Variants in MACROD2 observed in about 807,000 individuals in gnomAD.
MACROD2 encodes mono-ADP ribosylhydrolase 2.
MACROD2 carries 36 observed loss-of-function variants against 70.4 expected under a neutral mutation model. That is an observed-to-expected ratio of 0.51 (90% CI 0.39 to 0.68). The LOEUF is 0.68. Ranked by LOEUF, MACROD2 falls within the 30% of genes least tolerant of loss-of-function variation. The pLI is 0.00. For synonymous variants in MACROD2, 172 were observed against 178.8 expected, an observed-to-expected ratio of 0.96 and a Z score of 0.30; for missense variants, 496 against 538.4, an observed-to-expected ratio of 0.92 and a Z score of 0.78.
chr20:15,437,535 G>T (rs1356310657), intron 7 of MACROD2, among the ~76,000 whole-genome samples: 1 of 152,194 alleles, frequency 6.6e-6, no homozygotes, highest in African/African-American at 2.4e-5. Context: ...GGGGGTACAT[G>T]TGAAGGTTTG....
chr20:14,694,519 G>A (rs2071099417), intron 5 of MACROD2, among the ~76,000 whole-genome samples: 1 of 152,104 alleles, frequency 6.6e-6, no homozygotes, highest in Non-Finnish European at 1.5e-5. Flanking sequence ...TGTTAAGTGA[G>A]ATGATGAACA....
chr20:14,903,901 A>C (rs1456956212), intron 5 of MACROD2, among the ~76,000 whole-genome samples: 1 of 152,134 alleles, frequency 6.6e-6, no homozygotes, highest in Non-Finnish European at 1.5e-5. Flanking sequence ...GCGTGCATGA[A>C]AGGTTTTTTT....
chr20:14,664,129 T>A (rs932599161), intron 4 of MACROD2, among the ~76,000 whole-genome samples: 2 of 152,146 alleles, frequency 1.3e-5, no homozygotes, highest in African/African-American at 4.8e-5. Flanking sequence ...AAGAATTAGA[T>A]GATTGTTGGT....
chr20:14,107,432 G>A (rs1310711988), intron 3 of MACROD2, among the ~76,000 whole-genome samples: 1 of 152,112 alleles, frequency 6.6e-6, no homozygotes, highest in African/African-American at 2.4e-5. Flanking sequence ...GCAAATCTAA[G>A]AGTATTGGCC....
chr20:14,739,443 T>C (rs553880705), intron 5 of MACROD2, among the ~76,000 whole-genome samples: 10 of 152,042 alleles, frequency 6.6e-5, no homozygotes, highest in Admixed American at 3.9e-4. Context: ...CAATGTTACC[T>C]GTGGGGTAGA....
intron 8 of MACROD2, among the ~76,000 whole-genome samples, chr20:15,647,741 A>T (rs1246226819): frequency 1.7e-4 from 19 of 114,790 alleles, no homozygotes; most frequent in Non-Finnish European, 3.6e-4. Context: ...TTTTTTTGAG[A>T]TGGAGTCTTG....
intron 4 of MACROD2, 40 bp from the exon 5 acceptor site, chr20:14,684,803 A>G (rs1282675832): frequency 6.6e-7 from 1 of 1,523,308 alleles, no homozygotes; most frequent in Non-Finnish European, 9.1e-7. Flanking sequence ...ATTTATTTCC[A>G]AATGCCAAAT....
chr20:15,427,222 C>T (rs1441720889), intron 6 of MACROD2, among the ~76,000 whole-genome samples: 3 of 152,168 alleles, frequency 2.0e-5, no homozygotes, highest in African/African-American at 7.2e-5. Context: ...CATTTGCTCC[C>T]ACATTCAAGG....
intron 8 of MACROD2, among the ~76,000 whole-genome samples, chr20:15,857,018 ATAT>A (rs1209272141): frequency 7.2e-5 from 11 of 152,334 alleles, no homozygotes; most frequent in African/African-American, 2.6e-4. Flanking sequence ...TCTCTACATA[ATAT>A]TCACTGAAAT....
intron 5 of MACROD2, among the ~76,000 whole-genome samples, chr20:15,205,489 A>G (rs534239224): frequency 1.3e-5 from 2 of 152,136 alleles, no homozygotes; most frequent in African/African-American, 4.8e-5. Flanking sequence ...ATTCCAAGAG[A>G]TCAAGGCAAA....
intron 5 of MACROD2, among the ~76,000 whole-genome samples, chr20:14,773,090 G>A (rs2064787): frequency 0.086 from 13,017 of 151,912 alleles, 803 homozygotes; most frequent in African/African-American, 0.17. Flanking sequence ...GAAAAATGGC[G>A]CTAGAAATCC....
At chr20:15,489,224 A>T (rs1053980985) in intron 7 of MACROD2, among the ~76,000 whole-genome samples, 1 of 152,204 alleles carries the variant, frequency 6.6e-6, no homozygotes, top group Non-Finnish European at 1.5e-5. Context: ...GTCAAGTGAA[A>T]TGAAAGAATG....
intron 7 of MACROD2, among the ~76,000 whole-genome samples, chr20:15,471,418 A>T (rs756671470): frequency 6.6e-6 from 1 of 152,220 alleles, no homozygotes; most frequent in Non-Finnish European, 1.5e-5. Context: ...ATGATTGCAT[A>T]TATTCAAACC....
At chr20:15,423,565 G>T (rs577328134) in intron 6 of MACROD2, among the ~76,000 whole-genome samples, 1 of 152,110 alleles carries the variant, frequency 6.6e-6, no homozygotes, top group Admixed American at 6.5e-5. Flanking sequence ...TTTGGTGTCT[G>T]TCAAGAGCTC....
At chr20:14,999,461 C>G (rs2074976192) in intron 5 of MACROD2, among the ~76,000 whole-genome samples, 1 of 152,094 alleles carries the variant, frequency 6.6e-6, no homozygotes, top group Non-Finnish European at 1.5e-5. Flanking sequence ...GAGTTTGAGA[C>G]TAGCCAGACT....
chr20:15,150,970 C>T lies in MACROD2; in HGVS notation c.419-78970C>T, dbSNP rs192314483. ...GGCCCTTGAAAAGAAGGTAATGTGG[C>T]GTGGGTAGCCTCCATATTGATTAAG... On this transcript the variant is annotated intron_variant, in intron 5 of 17. Transcript: ENST00000684519. Among the ~76,000 whole-genome samples, 130 of 152,002 alleles carry T rather than the reference C, an allele frequency of 8.6e-4. 1 individual carries two copies. Among genetic ancestry groups the T allele is most frequent in the African/African-American group, 2.6e-3 (107 of 41,342 alleles).
At position 14,702,541 on chromosome 20, in the gene MACROD2, A is replaced by G. The variant is rs182438062; in HGVS notation, c.418+17582A>G. 1.4e-3 allele frequency among the ~76,000 whole-genome samples: 201 copies of G among 143,354 alleles called. 10 individuals are homozygous for G. The highest frequency in any genetic ancestry group is 0.013 in the Admixed American group (176 of 13,948). 94.0% of individuals were successfully genotyped at this position (143,354 alleles called of 152,430 possible). Reference sequence around the variant, plus strand: ...TTGGCTTTTTCACTAAACATTACATATGTGTGTGTGTGTATATATATATAC... The same window carrying G: ...TTGGCTTTTTCACTAAACATTACATGTGTGTGTGTGTGTATATATATATAC... On this transcript the variant is annotated intron_variant, in intron 5 of 17. Coordinates refer to ENST00000684519, the MANE Select transcript of MACROD2 (RefSeq NM_001351661.2).
chr20:14,766,861 T>C (rs2072097134), intron 5 of MACROD2, among the ~76,000 whole-genome samples: 1 of 152,158 alleles, frequency 6.6e-6, no homozygotes, highest in Admixed American at 6.5e-5. Flanking sequence ...AAAACAATTT[T>C]CAGCTCTATT....
At chr20:14,032,196 TTTA>T (rs1267419422) in intron 2 of MACROD2, among the ~76,000 whole-genome samples, 1 of 152,128 alleles carries the variant, frequency 6.6e-6, no homozygotes, top group African/African-American at 2.4e-5. Flanking sequence ...CTTATTTAAA[TTTA>T]TTTACTATAA....
Sources: allele counts gnomAD v4.1 joint callset (sites outside exome capture counted in the v4.1 genomes callset), GRCh38; gene constraint gnomAD v4.1.1; transcripts MANE v1.5; gene names NCBI Gene and HGNC (gene_info 2026-07-23, HGNC 2026-07-21).